Variants in ESRRG observed in about 807,000 individuals in gnomAD.
ESRRG encodes the protein estrogen related receptor gamma, also known as estrogen-related receptor gamma.
In ESRRG, 13 loss-of-function variants were observed where a neutral mutation model predicts 44.0. That is an observed-to-expected ratio of 0.30 (90% confidence interval 0.19 to 0.47). The LOEUF is 0.47. Among genes scored for constraint, ESRRG ranks in the 20% least tolerant of loss-of-function variants. The probability of loss-of-function intolerance (pLI) is 1.00; values close to 1 mark genes in which losing one functional copy is unlikely to be tolerated. For missense variants in ESRRG, 395 were observed against 580.6 expected (o/e 0.68, Z 3.29); for synonymous variants, 215 against 214.6 (o/e 1.00, Z -0.02).
At chr1:216,794,086 T>C (rs1251325499) in intron 2 of ESRRG, among the ~76,000 whole-genome samples, 1 of 152,018 alleles carries the variant, frequency 6.6e-6, no homozygotes, top group Non-Finnish European at 1.5e-5. Context: ...GAGTTCAATA[T>C]AAATTTACAA....
At chr1:216,967,631 T>C (rs2070738395) in intron 1 of ESRRG, among the ~76,000 whole-genome samples, 1 of 152,220 alleles carries the variant, frequency 6.6e-6, no homozygotes, top group Non-Finnish European at 1.5e-5. Context: ...TATTTAACTA[T>C]GCACTATTGA....
At chr1:217,089,065 A>G (rs1387491573) in intron 1 of ESRRG, among the ~76,000 whole-genome samples, 24 of 151,948 alleles carry the variant, frequency 1.6e-4, no homozygotes, top group Admixed American at 1.6e-3. Flanking sequence ...AGCCCATGAC[A>G]GCAGTCCTCA....
chr1:217,029,425 T>C (rs1275201738), intron 1 of ESRRG, among the ~76,000 whole-genome samples: 3 of 152,180 alleles, frequency 2.0e-5, no homozygotes, highest in African/African-American at 7.2e-5. Flanking sequence ...CAAAATTCAC[T>C]AAGTAGGGAG....
chr1:217,127,855 C>T (rs2092911846), intron 1 of ESRRG, among the ~76,000 whole-genome samples: 1 of 152,176 alleles, frequency 6.6e-6, no homozygotes, highest in South Asian at 2.1e-4. Context: ...ACTAAAGCTT[C>T]CATTTTTTTA....
intron 3 of ESRRG, among the ~76,000 whole-genome samples, chr1:216,611,189 G>A (rs1415609846): frequency 1.2e-5 from 1 of 85,176 alleles, no homozygotes; most frequent in Non-Finnish European, 2.1e-5. Context: ...GGCAATAAGA[G>A]CCAAAAGTGA....
chr1:217,128,006 C>T (rs1411155352), intron 1 of ESRRG, among the ~76,000 whole-genome samples: 2 of 152,168 alleles, frequency 1.3e-5, no homozygotes, highest in Non-Finnish European at 2.9e-5. Flanking sequence ...TTTCAGGTGA[C>T]AGCCACACAT....
chr1:216,657,162 G>A (rs915823972), intron 2 of ESRRG, among the ~76,000 whole-genome samples: 1 of 151,952 alleles, frequency 6.6e-6, no homozygotes, highest in African/African-American at 2.4e-5. Context: ...GCTATTCTGT[G>A]CTCATTTCCA....
intron 1 of ESRRG, among the ~76,000 whole-genome samples, chr1:216,709,116 A>C (rs1330765360): frequency 6.6e-6 from 1 of 152,120 alleles, no homozygotes; most frequent in Admixed American, 6.5e-5. Flanking sequence ...TCTAATGTAG[A>C]TGACGGGTTG....
intron 1 of ESRRG, among the ~76,000 whole-genome samples, chr1:217,126,860 C>T (rs1032597553): frequency 6.6e-6 from 1 of 152,104 alleles, no homozygotes; most frequent in Admixed American, 6.6e-5. Flanking sequence ...TGAACACTGC[C>T]CAACTGCATT....
intron 2 of ESRRG, among the ~76,000 whole-genome samples, chr1:216,838,519 T>G (rs2095603135): frequency 6.6e-6 from 1 of 152,146 alleles, no homozygotes. Context: ...GATTTTTTTT[T>G]GAAGACGAAA....
At chr1:216,862,560 A>C (rs2096071001) in intron 2 of ESRRG, 1 of 152,162 alleles carries the variant, frequency 6.6e-6, no homozygotes, top group Non-Finnish European at 1.5e-5. Context: ...CCTCAGTAAT[A>C]AAAAGGAACT....
At chr1:216,993,653 C>A (rs1376982707) in intron 1 of ESRRG, among the ~76,000 whole-genome samples, 1 of 152,072 alleles carries the variant, frequency 6.6e-6, no homozygotes. Context: ...ATTCCCGTAC[C>A]GCAGTCTTGC....
chr1:216,594,527 G>T (rs1474143738), intron 3 of ESRRG, among the ~76,000 whole-genome samples: 1 of 152,054 alleles, frequency 6.6e-6, no homozygotes, highest in African/African-American at 2.4e-5. Context: ...TTTTAAAGTG[G>T]TCCTCTACCT....
intron 1 of ESRRG, among the ~76,000 whole-genome samples, chr1:217,006,098 T>C (rs552572533): frequency 1.3e-5 from 2 of 152,286 alleles, no homozygotes; most frequent in South Asian, 4.1e-4. Flanking sequence ...AATTTGAACT[T>C]ATAGAATGAG....
At chr1:216,605,760 A>G (rs374322074) in intron 3 of ESRRG, among the ~76,000 whole-genome samples, 28 of 152,136 alleles carry the variant, frequency 1.8e-4, no homozygotes, top group African/African-American at 6.7e-4. Flanking sequence ...CATTAGAGGA[A>G]CTCTAATAAA....
intron 1 of ESRRG, among the ~76,000 whole-genome samples, chr1:216,960,055 C>T (rs1344196842): frequency 6.6e-6 from 1 of 152,020 alleles, no homozygotes; most frequent in East Asian, 1.9e-4. Context: ...TATTGTATCA[C>T]TTTGCCTAAA....
chr1:216,671,788 TGAG>T (rs2075234590), intron 2 of ESRRG, among the ~76,000 whole-genome samples: 3 of 152,286 alleles, frequency 2.0e-5, no homozygotes, highest in East Asian at 3.9e-4. Context: ...AGCACTATAA[TGAG>T]GAGTTAGAAT....
chr1:216,568,875 A>C (rs1266796904), intron 3 of ESRRG, among the ~76,000 whole-genome samples: 1 of 152,076 alleles, frequency 6.6e-6, no homozygotes, highest in East Asian at 1.9e-4. Flanking sequence ...ACCAACATGA[A>C]GAAACCCTGT....
chr1:216,957,385 T>G (rs957618031), intron 1 of ESRRG, among the ~76,000 whole-genome samples: 1 of 152,186 alleles, frequency 6.6e-6, no homozygotes, highest in Non-Finnish European at 1.5e-5. Context: ...CTCAGCACAT[T>G]TATTTGGATC....
Sources: gnomAD v4.1 joint callset for allele counts (sites outside exome capture counted in the v4.1 genomes callset) on GRCh38, gnomAD v4.1.1 for gene constraint, MANE v1.5 for transcripts, NCBI Gene and HGNC (gene_info 2026-07-23, HGNC 2026-07-21) for gene names.